The following IL5 variants were observed in gnomAD, a reference collection of about 807,000 sequenced individuals.
IL5 encodes interleukin-5.
Under a neutral mutation model 16.3 loss-of-function variants are expected in IL5, and 12 were observed. The ratio of observed to expected loss-of-function variants is 0.74; its 90% CI spans 0.47 to 1.20. The LOEUF (loss-of-function observed/expected upper bound fraction) is 1.20. Ranked by LOEUF, IL5 falls within the 50% of genes most tolerant of loss-of-function variation. The pLI, the probability that IL5 is intolerant of heterozygous loss-of-function variation, is 0.00. For synonymous variants in IL5, 54 were observed against 56.6 expected, an observed-to-expected ratio of 0.95 and a Z score of 0.21; for missense variants, 159 against 153.9, an observed-to-expected ratio of 1.03 and a Z score of -0.17.
upstream of IL5, among the ~76,000 whole-genome samples, chr5:132,544,561 G>A (rs373176454): frequency 1.6e-4 from 24 of 152,290 alleles, no homozygotes; most frequent in African/African-American, 5.5e-4. Flanking sequence ...CACCTTGGGC[G>A]GGCCATGAAA....
chr5:132,546,500 A>G (rs567034745), upstream of IL5, among the ~76,000 whole-genome samples: 1 of 152,198 alleles, frequency 6.6e-6, no homozygotes, highest in Non-Finnish European at 1.5e-5. Flanking sequence ...TTAAGGCTGA[A>G]TAATATTTCA....
chr5:132,551,037 G>T (rs1025799774), intron 1 of IL5, among the ~76,000 whole-genome samples: 3 of 152,180 alleles, frequency 2.0e-5, no homozygotes, highest in African/African-American at 7.2e-5. Context: ...CTTCAAAATA[G>T]TAATGTGAAA....
chr5:132,556,740 T>G, exon 1 of IL5: 5 of 1,224,122 alleles, frequency 4.1e-6, no homozygotes, highest in Non-Finnish European at 5.2e-6. Context: ...GATCAAGCTT[T>G]GGGAAGCGCC....
upstream of IL5, among the ~76,000 whole-genome samples, chr5:132,545,836 C>A (rs1378719266): frequency 6.6e-6 from 1 of 152,146 alleles, no homozygotes; most frequent in Non-Finnish European, 1.5e-5. Context: ...AGGAGAATTG[C>A]TTGAACTCAG....
At chr5:132,551,782 TAA>T (rs772184042) in intron 1 of IL5, among the ~76,000 whole-genome samples, 1 of 152,244 alleles carries the variant, frequency 6.6e-6, no homozygotes, top group Non-Finnish European at 1.5e-5. Flanking sequence ...TCTTTATTTA[TAA>T]GTTTGATGAT....
At position 132,549,143 on chromosome 5, in the gene IL5, C is replaced by T. The variant is rs551706167; in HGVS notation, c.43-6017G>A. Among the ~76,000 whole-genome samples, 26 of 152,286 alleles carry T rather than the reference C, an allele frequency of 1.7e-4. No homozygotes were observed. In the Middle Eastern group the frequency reaches 0.031, roughly 179 times the overall value. On this transcript the variant is annotated intron_variant, in intron 1 of 2. Transcript: ENST00000450655. ...CAATCTCGGCTCACTGCAACCTCCG[C>T]CTCCCAGGTTCAAGCGATTCTCCTG...
chr5:132,543,357 C>A lies in IL5; in HGVS notation c.122G>T (p.Arg41Leu). 1 of 1,614,144 alleles carries A rather than the reference C, an allele frequency of 6.2e-7. No homozygotes were observed. The highest frequency in any genetic ancestry group is 8.5e-7 in the Non-Finnish European group (1 of 1,180,006). Residue 41 changes from arginine (R) to leucine (L), a missense_variant, in exon 1 of 4, where the codon CGA (arginine) becomes CTA (leucine). Coordinates refer to ENST00000231454, the MANE Select transcript of IL5 (RefSeq NM_000879.3). ...TACCTCATTGGCTATCAGCAGAGTTCGATGAGTAGAAAGCAGTGCCAAGGT... is the reference window on the plus strand; with the variant it reads ...TACCTCATTGGCTATCAGCAGAGTTAGATGAGTAGAAAGCAGTGCCAAGGT... ...KETLALLSTHRTLLIANETLR... is the reference protein window; with the variant it reads ...KETLALLSTHLTLLIANETLR...
At chr5:132,542,265 A>C in intron 2 of IL5, 122 bp from the exon 3 acceptor site, 1 of 455,890 alleles carries the variant, frequency 2.2e-6, no homozygotes. Context: ...AAATATATAT[A>C]CTTTTTAATT....
chr5:132,556,246 T>C (rs1162565830), intron 1 of IL5: 1 of 152,246 alleles, frequency 6.6e-6, no homozygotes. Context: ...TTAAATGTGA[T>C]ATCCCTCCAT....
Position 132,543,289 on chromosome 5 carries a change from A to T in IL5, c.144+46T>A, listed in dbSNP as rs776665689. 5 of 1,548,290 alleles carry T rather than the reference A, an allele frequency of 3.2e-6. No individual in the cohort carries two copies. The South Asian group carries it at 5.7e-5, about 18-fold the overall frequency. ...TATAGTAAAGGAACCATCACAAATG[A>T]TTACCTATGCACTTTACAGACTGTA... is the stretch of plus-strand genomic sequence containing the variant. On this transcript the variant is annotated intron_variant, in intron 1 of 3. Transcript: ENST00000231454.
At chr5:132,553,064 A>G (rs1297045650) in intron 1 of IL5, among the ~76,000 whole-genome samples, 1 of 152,168 alleles carries the variant, frequency 6.6e-6, no homozygotes, top group East Asian at 1.9e-4. Flanking sequence ...TCACACATCT[A>G]TGGCAAAACC....
chr5:132,555,344 T>C (rs1335443589), intron 1 of IL5, among the ~76,000 whole-genome samples: 1 of 152,110 alleles, frequency 6.6e-6, no homozygotes, highest in Non-Finnish European at 1.5e-5. Flanking sequence ...AGTAAAAAAT[T>C]ATAGAGACAG....
chr5:132,544,943 T>C (rs189834777), upstream of IL5, among the ~76,000 whole-genome samples: 1 of 152,334 alleles, frequency 6.6e-6, no homozygotes, highest in Admixed American at 6.5e-5. Context: ...AAAGACAGTC[T>C]TGGATTTCAG....
In IL5 at chr5:132,541,781, A is replaced by T. The variant is rs1230893652; in HGVS notation, c.*30T>A. On this transcript the variant is annotated 3_prime_UTR_variant, in exon 4 of 4. Transcript: ENST00000231454. Reference sequence around the variant, plus strand: ...GCAGTAAAATGTCCTTCTCCTCCAAAATCTTTGGCTGCAACAAACCAGTTT... The same window carrying T: ...GCAGTAAAATGTCCTTCTCCTCCAATATCTTTGGCTGCAACAAACCAGTTT... 1 of 1,467,720 alleles carries T rather than the reference A, an allele frequency of 6.8e-7. No individual in the cohort carries two copies. Among genetic ancestry groups the T allele is most frequent in the South Asian group, 1.2e-5 (1 of 86,030 alleles). The allele number at this position is 1,467,720 out of a possible 1,614,324, so 90.9% of individuals were successfully genotyped here.
chr5:132,555,260 TGAG>T (rs1749957296), intron 1 of IL5, among the ~76,000 whole-genome samples: 1 of 152,102 alleles, frequency 6.6e-6, no homozygotes, highest in Non-Finnish European at 1.5e-5. Flanking sequence ...GGATGAACCT[TGAG>T]GACATTATAA....
rs577434218 is a variant in IL5 at position 132,552,838 on chromosome 5, G to A, written c.42+3836C>T. Reference sequence around the variant, plus strand: ...GCAACCTCTACCTCCCGGGTTCAGCGATTTTCCTGCCTCAGCCTCCTGAGT... The same window carrying A: ...GCAACCTCTACCTCCCGGGTTCAGCAATTTTCCTGCCTCAGCCTCCTGAGT... On this transcript the variant is annotated intron_variant, in intron 1 of 2. Coordinates refer to the IL5 transcript ENST00000450655. 3.9e-5 allele frequency among the ~76,000 whole-genome samples: 6 copies of A among 152,236 alleles called. No individual in the cohort carries two copies. The East Asian group carries it at 1.2e-3, about 29-fold the overall frequency.
At chr5:132,543,203 T>C in intron 1 of IL5, 77 bp from the exon 2 acceptor site, 1 of 1,456,784 alleles carries the variant, frequency 6.9e-7, no homozygotes, top group Non-Finnish European at 9.6e-7. Context: ...TTGCTGGTGA[T>C]GTAGTTATCA....
Position 132,543,489 on chromosome 5 carries a change from C to A in IL5, c.-11G>T. The A allele has an allele frequency of 1.2e-6, 2 of 1,612,710 alleles. No homozygotes were observed. The highest frequency in any genetic ancestry group is 2.2e-5 in the South Asian group (2 of 90,816). On this transcript the variant is annotated 5_prime_UTR_variant, in exon 1 of 4. Transcript: ENST00000231454. ...CAGAAGCATCCTCATGGCTCTGAAA[C>A]GTTCTGCGTTTGCCTTTGGCAAAGA...
At chr5:132,547,805 C>T (rs951734108), upstream of IL5, among the ~76,000 whole-genome samples, 1 of 152,128 alleles carries the variant, frequency 6.6e-6, no homozygotes, top group African/African-American at 2.4e-5. Flanking sequence ...CATGATGGGT[C>T]AGGTCTGTAA....
Sources: gnomAD v4.1 joint callset for allele counts (sites outside exome capture counted in the v4.1 genomes callset) on GRCh38, gnomAD v4.1.1 for gene constraint, MANE v1.5 for transcripts, NCBI Gene and HGNC (gene_info 2026-07-23, HGNC 2026-07-21) for gene names.